The following SCML4 variants were observed in gnomAD, a reference collection of about 807,000 sequenced individuals.
SCML4 encodes the protein sex comb on midleg-like protein 4.
Under a neutral mutation model 41.1 loss-of-function variants are expected in SCML4, and 34 were observed. The observed-to-expected ratio is 0.83, with a 90% CI of 0.63 to 1.10. The LOEUF (loss-of-function observed/expected upper bound fraction) is 1.10. Among genes scored for constraint, SCML4 ranks in the 50% least tolerant of loss-of-function variants. SCML4 has a pLI of 0.00. For synonymous variants in SCML4, 214 were observed against 220.9 expected (o/e 0.97, Z 0.28); for missense variants, 522 against 534.1 (o/e 0.98, Z 0.22).
rs747541179 is a variant in SCML4 at position 107,703,926 on chromosome 6, G to GAGGGA, written c.*1269_*1273dup. Among the ~76,000 whole-genome samples, 6 of 152,214 alleles carry GAGGGA rather than the reference G, an allele frequency of 3.9e-5. No homozygotes were observed. The highest frequency in any genetic ancestry group is 7.3e-5 in the Non-Finnish European group (5 of 68,044). On this transcript the variant is annotated 3_prime_UTR_variant, in exon 8 of 8. Transcript: ENST00000369020. ...GTGTGAAAGAAGAAGAAGAGAGGTGGAGGGAAACAGAGAAAAGAGAAGGAT... is the reference window on the plus strand; with the variant it reads ...GTGTGAAAGAAGAAGAAGAGAGGTGGAGGGAAGGGAAACAGAGAAAAGAGAAGGAT...
At chr6:107,798,499 G>A (rs1782873162) in intron 1 of SCML4, among the ~76,000 whole-genome samples, 1 of 151,464 alleles carries the variant, frequency 6.6e-6, no homozygotes, top group African/African-American at 2.4e-5. Flanking sequence ...TCTTTTTCTT[G>A]ATCAATCTTG....
chr6:107,712,868 C>T (rs1381749542), intron 6 of SCML4, among the ~76,000 whole-genome samples: 5 of 152,222 alleles, frequency 3.3e-5, no homozygotes, highest in Admixed American at 1.3e-4. Flanking sequence ...GATAGATCAA[C>T]AGTAAGACAT....
chr6:107,788,750 C>T (rs187728533), intron 1 of SCML4, among the ~76,000 whole-genome samples: 2 of 152,200 alleles, frequency 1.3e-5, no homozygotes, highest in Admixed American at 6.5e-5. Flanking sequence ...CTGACACTGT[C>T]GCCATCATTG....
In SCML4 at chr6:107,749,741, A is replaced by G. The variant is rs759653925; in HGVS notation, c.229T>C (p.Ser77Pro). 1 of 1,613,884 alleles carries G rather than the reference A, an allele frequency of 6.2e-7. No individual in the cohort carries two copies. The highest frequency in any genetic ancestry group is 8.5e-7 in the Non-Finnish European group (1 of 1,179,970). Residue 77 changes from serine to proline, a missense_variant, in exon 3 of 8, where the codon TCC (serine) becomes CCC (proline). Coordinates refer to ENST00000369020, the MANE Select transcript of SCML4 (RefSeq NM_198081.5). Reference protein sequence around the residue: ...PRSTPEPDLSSIPQDAATVPS... With the variant: ...PRSTPEPDLSPIPQDAATVPS... ...ACCGTGGCTGCGTCCTGAGGGATGG[A>G]GCTGAGGTCGGGCTCTGGGGTACTC...
chr6:107,705,714 T>C (rs1458461151), intron 7 of SCML4, among the ~76,000 whole-genome samples: 2 of 152,134 alleles, frequency 1.3e-5, no homozygotes, highest in African/African-American at 4.8e-5. Flanking sequence ...ATTCCAAACC[T>C]CCACCTATTG....
At chr6:107,803,061 G>A (rs1047361253) in intron 1 of SCML4, among the ~76,000 whole-genome samples, 27 of 151,950 alleles carry the variant, frequency 1.8e-4, no homozygotes, top group Admixed American at 4.6e-4. Flanking sequence ...TGGTGCCCAG[G>A]CTGGAGTGCA....
chr6:107,828,096 A>T (rs889623266), upstream of SCML4, among the ~76,000 whole-genome samples: 3 of 152,224 alleles, frequency 2.0e-5, no homozygotes, highest in African/African-American at 7.2e-5. Context: ...TACCATTCCC[A>T]TCTTACAGAT....
rs772602597 is a variant in SCML4, at chr6:107,745,071, C to T, written c.560G>A (p.Arg187His). 12 of 1,613,696 alleles carry T rather than the reference C, an allele frequency of 7.4e-6. No homozygotes were observed. The highest frequency in any genetic ancestry group is 1.1e-5 in the South Asian group (1 of 90,978). The stretch of plus-strand genomic sequence containing the variant: ...GCTTCGGCACAGCTTGGCGAGGAAG[C>T]GGAGGACATAGCCGATGCTGTTCAC... ...PVVNSIGYVL[R>H]FLAKLCRSLL... The change falls in exon 5 of 8, where the codon CGC becomes CAC. Residue 187 changes from arginine to histidine, a missense_variant. Physicochemically the swap from Arg to His is conservative, Grantham distance 29. Transcript: ENST00000369020.
At position 107,781,230 on chromosome 6, in the gene SCML4, C is replaced by T. The variant is rs984489268; in HGVS notation, c.-59-8844G>A. Reference sequence around the variant, plus strand: ...TTAGCAACAAAAATTAGAAACAAACCCAGTTTCTGAATACAAAGAAACTGA... The same window carrying T: ...TTAGCAACAAAAATTAGAAACAAACTCAGTTTCTGAATACAAAGAAACTGA... On this transcript the variant is annotated intron_variant, in intron 1 of 7. Transcript: ENST00000369020. 2.0e-5 allele frequency among the ~76,000 whole-genome samples: 3 copies of T among 152,110 alleles called. No individual in the cohort carries two copies. In the South Asian group the frequency reaches 6.2e-4, roughly 32 times the overall value.
intron 3 of SCML4, among the ~76,000 whole-genome samples, chr6:107,748,893 G>A (rs1195084868): frequency 1.3e-5 from 2 of 152,164 alleles, no homozygotes; most frequent in South Asian, 2.1e-4. Flanking sequence ...AGGGTGGCCC[G>A]AAGGGATGAT....
chr6:107,708,362 A>T (rs1773886180), intron 6 of SCML4, among the ~76,000 whole-genome samples: 1 of 152,022 alleles, frequency 6.6e-6, no homozygotes, highest in South Asian at 2.1e-4. Flanking sequence ...CGGCAGGCCC[A>T]GGGCCTCCTG....
chr6:107,835,747 G>A, the SCML4 span, among the ~76,000 whole-genome samples: 1 of 137,902 alleles, frequency 7.3e-6, no homozygotes, highest in South Asian at 2.5e-4. Flanking sequence ...CTGGGTAAGA[G>A]GGCAAGACCC....
At chr6:107,770,090 C>T (rs1780397336) in intron 2 of SCML4, among the ~76,000 whole-genome samples, 1 of 152,082 alleles carries the variant, frequency 6.6e-6, no homozygotes, top group South Asian at 2.1e-4. Flanking sequence ...TCTGAGCTGG[C>T]TTCTTCACAA....
At chr6:107,827,050 G>T (rs922623549), upstream of SCML4, among the ~76,000 whole-genome samples, 1 of 150,816 alleles carries the variant, frequency 6.6e-6, no homozygotes, top group Non-Finnish European at 1.5e-5. Context: ...GCGACAGAGC[G>T]AGACTCCGTC....
chr6:107,714,005 A>T (rs1012432005), intron 6 of SCML4, among the ~76,000 whole-genome samples: 1 of 152,106 alleles, frequency 6.6e-6, no homozygotes, highest in South Asian at 2.1e-4. Flanking sequence ...TCCGCCTCCC[A>T]GGTTCAAGTG....
chr6:107,838,442 AG>A, the SCML4 span, among the ~76,000 whole-genome samples: 1 of 152,212 alleles, frequency 6.6e-6, no homozygotes, highest in Admixed American at 6.5e-5. Context: ...CCGCATTGAC[AG>A]GCGCGTTGTC....
At chr6:107,816,760 C>T (rs1407332648) in intron 1 of SCML4, among the ~76,000 whole-genome samples, 1 of 152,224 alleles carries the variant, frequency 6.6e-6, no homozygotes, top group Non-Finnish European at 1.5e-5. Context: ...TTGCTTTTAA[C>T]TCTTTCCTTG....
At chr6:107,807,090 C>T (rs562338627) in intron 1 of SCML4, among the ~76,000 whole-genome samples, 13 of 148,922 alleles carry the variant, frequency 8.7e-5, no homozygotes, top group Non-Finnish European at 1.6e-4. Flanking sequence ...GCTTAATACC[C>T]ATAAATTGCA....
intron 5 of SCML4, among the ~76,000 whole-genome samples, chr6:107,721,344 A>G (rs1488672826): frequency 6.6e-6 from 1 of 152,024 alleles, no homozygotes; most frequent in African/African-American, 2.4e-5. Flanking sequence ...CAGGTGGATC[A>G]CCTGAGGTCT....
Sources: allele counts gnomAD v4.1 joint callset (sites outside exome capture counted in the v4.1 genomes callset), GRCh38; gene constraint gnomAD v4.1.1; transcripts MANE v1.5; gene names NCBI Gene and HGNC (gene_info 2026-07-23, HGNC 2026-07-21).